The following NKAIN3 variants were observed in gnomAD, a reference collection of about 807,000 sequenced individuals.
NKAIN3 encodes the protein sodium/potassium transporting ATPase interacting 3, also known as sodium/potassium-transporting ATPase subunit beta-1-interacting protein 3.
In NKAIN3, 25 loss-of-function variants were observed where a neutral mutation model predicts 30.2. That is an observed-to-expected ratio of 0.83 (90% CI 0.60 to 1.16). The LOEUF is 1.16. Ranked by LOEUF, NKAIN3 falls within the 50% of genes most tolerant of loss-of-function variation. The probability of loss-of-function intolerance (pLI) is 0.00; values close to 1 mark genes in which losing one functional copy is unlikely to be tolerated. For missense variants in NKAIN3, 225 were observed against 254.1 expected (o/e 0.89, Z 0.78); for synonymous variants, 91 against 89.6 (o/e 1.02, Z -0.09).
Position 62,975,471 on chromosome 8 carries a change from C to G in NKAIN3, c.*10064C>G, listed in dbSNP as rs533693143. 6.6e-6 allele frequency among the ~76,000 whole-genome samples: 1 copy of G among 152,158 alleles called. No homozygotes were observed. The highest frequency in any genetic ancestry group is 1.5e-5 in the Non-Finnish European group (1 of 68,028). On this transcript the variant is annotated 3_prime_UTR_variant, in exon 7 of 7. Coordinates refer to ENST00000623646, the MANE Select transcript of NKAIN3 (RefSeq NM_001304533.3). ...TGGATAGAGTTGTTTGTAATATTCT[C>G]TGACGGTAGTTTGCATTTCTGTGGG...
intron 5 of NKAIN3, among the ~76,000 whole-genome samples, chr8:62,950,944 CTTTT>C (rs71559384): frequency 5.0e-5 from 5 of 100,686 alleles, no homozygotes; most frequent in African/African-American, 1.5e-4. Flanking sequence ...AAACAGAATC[CTTTT>C]TTTTTTTTTT....
intron 5 of NKAIN3, among the ~76,000 whole-genome samples, chr8:62,929,991 G>A (rs570892046): frequency 6.6e-6 from 1 of 152,254 alleles, no homozygotes; most frequent in East Asian, 1.9e-4. Context: ...TAAGTATTCT[G>A]CTTATAAATC....
intron 1 of NKAIN3, among the ~76,000 whole-genome samples, chr8:62,404,187 T>G (rs903261089): frequency 6.6e-6 from 1 of 152,222 alleles, no homozygotes; most frequent in Non-Finnish European, 1.5e-5. Context: ...CTAACTTGCT[T>G]TTGATTTTCC....
In NKAIN3 at chr8:62,431,435, A is replaced by G. The variant is rs879318414; in HGVS notation, c.55-148104A>G. Among the ~76,000 whole-genome samples the G allele has an allele frequency of 9.2e-5, 14 of 151,614 alleles. 1 individual carries two copies. The highest frequency in any genetic ancestry group is 2.0e-4 in the Admixed American group (3 of 15,180). On this transcript the variant is annotated intron_variant, in intron 1 of 6. Coordinates refer to ENST00000623646, the MANE Select transcript of NKAIN3 (RefSeq NM_001304533.3). Reference sequence around the variant, plus strand: ...TTTTTTCTGTTAGCCATTTTTTCTTATTTGCCCAAAGTTCTGGCTGAACCC... The same window carrying G: ...TTTTTTCTGTTAGCCATTTTTTCTTGTTTGCCCAAAGTTCTGGCTGAACCC...
At chr8:62,924,440 TATTTTCAATGA>T (rs72265449) in intron 5 of NKAIN3, among the ~76,000 whole-genome samples, 80,669 of 151,696 alleles carry the variant, frequency 0.53, 21,779 homozygotes, top group East Asian at 0.71. Context: ...AACCCTACAC[TATTTTCAATGA>T]ATAAATATTA....
chr8:62,510,682 G>A (rs1807790040), intron 1 of NKAIN3, among the ~76,000 whole-genome samples: 1 of 152,132 alleles, frequency 6.6e-6, no homozygotes, highest in South Asian at 2.1e-4. Flanking sequence ...AGATTGAGGA[G>A]GAGGTGGAAG....
At chr8:62,797,123 G>A (rs1321346419) in intron 4 of NKAIN3, among the ~76,000 whole-genome samples, 1 of 152,096 alleles carries the variant, frequency 6.6e-6, no homozygotes, top group Admixed American at 6.5e-5. Flanking sequence ...CTTTGTTTCC[G>A]AGAAGGATCT....
At chr8:62,584,875 A>G (rs1034513164) in intron 2 of NKAIN3, among the ~76,000 whole-genome samples, 12 of 152,100 alleles carry the variant, frequency 7.9e-5, no homozygotes, top group African/African-American at 2.7e-4. Context: ...TGCCCCATTC[A>G]ACAATGTGTA....
intron 4 of NKAIN3, among the ~76,000 whole-genome samples, chr8:62,912,473 C>A (rs951514023): frequency 3.3e-5 from 5 of 152,120 alleles, no homozygotes; most frequent in African/African-American, 4.8e-5. Context: ...TTTTAAAGAA[C>A]CTTTTGACTC....
rs146845096 is a variant in NKAIN3, at chr8:62,418,706, C to G, written c.55-160833C>G. 1.1e-3 allele frequency among the ~76,000 whole-genome samples: 169 copies of G among 152,236 alleles called. 1 individual carries two copies. Among genetic ancestry groups the G allele is most frequent in the Non-Finnish European group, 2.4e-3 (160 of 68,012 alleles). On this transcript the variant is annotated intron_variant, in intron 1 of 6. Transcript: ENST00000623646. ...GTTACTACATTCTCAATTTTGCTTT[C>G]AAAACTAGAGGTAGAAGCATCAAGT... is the stretch of plus-strand genomic sequence containing the variant.
At position 62,970,778 on chromosome 8, in the gene NKAIN3, C is replaced by T. The variant is rs1823815929; in HGVS notation, c.*5371C>T. Among the ~76,000 whole-genome samples, 1 of 152,146 alleles carries T rather than the reference C, an allele frequency of 6.6e-6. No homozygotes were observed. Among genetic ancestry groups the T allele is most frequent in the African/African-American group, 2.4e-5 (1 of 41,430 alleles). On this transcript the variant is annotated 3_prime_UTR_variant, in exon 7 of 7. Transcript: ENST00000623646. Reference sequence around the variant, plus strand: ...ATTTTGTTCTTGTTTCTTTGATTGACTAAAAACATTGAATCATTTTCCATG... The same window carrying T: ...ATTTTGTTCTTGTTTCTTTGATTGATTAAAAACATTGAATCATTTTCCATG...
At chr8:62,377,559 T>C (rs1817127429) in intron 1 of NKAIN3, among the ~76,000 whole-genome samples, 1 of 152,090 alleles carries the variant, frequency 6.6e-6, no homozygotes, top group South Asian at 2.1e-4. Context: ...ATGGTTTGGA[T>C]TTCTGTCCCC....
intron 1 of NKAIN3, among the ~76,000 whole-genome samples, chr8:62,252,857 T>C (rs577239394): frequency 6.6e-6 from 1 of 152,360 alleles, no homozygotes; most frequent in African/African-American, 2.4e-5. Context: ...CATGTGCTTT[T>C]AGCACATTCT....
intron 1 of NKAIN3, among the ~76,000 whole-genome samples, chr8:62,322,279 G>A (rs774661399): frequency 1.3e-5 from 2 of 152,258 alleles, no homozygotes; most frequent in Admixed American, 6.5e-5. Context: ...TGTTTCCTGG[G>A]TGAGGCAATG....
At chr8:62,807,313 T>G (rs1818327111) in intron 4 of NKAIN3, among the ~76,000 whole-genome samples, 1 of 152,146 alleles carries the variant, frequency 6.6e-6, no homozygotes. Flanking sequence ...CCATTACCCC[T>G]CAAGTTGGGG....
At chr8:62,575,026 G>C (rs565492306) in intron 1 of NKAIN3, among the ~76,000 whole-genome samples, 2 of 152,088 alleles carry the variant, frequency 1.3e-5, no homozygotes, top group East Asian at 3.9e-4. Context: ...ACTGAATAGG[G>C]AGAAACTGAA....
chr8:62,664,731 G>A (rs1813046937), intron 3 of NKAIN3, among the ~76,000 whole-genome samples: 1 of 152,066 alleles, frequency 6.6e-6, no homozygotes, highest in South Asian at 2.1e-4. Flanking sequence ...TTCCACTCAT[G>A]TTCTTCTCCC....
At chr8:62,249,214 G>A in intron 1 of NKAIN3, 87 bp downstream of exon 1, 9 of 1,166,508 alleles carry the variant, frequency 7.7e-6, no homozygotes, top group Middle Eastern at 4.7e-4. Flanking sequence ...CGCAGCTCCC[G>A]GCAAGGGGCG....
intron 1 of NKAIN3, among the ~76,000 whole-genome samples, chr8:62,538,437 A>G (rs1174569790): frequency 6.6e-6 from 1 of 152,162 alleles, no homozygotes; most frequent in African/African-American, 2.4e-5. Flanking sequence ...GGCCTCCCAA[A>G]GTGCTGGGAT....
Sources: allele counts gnomAD v4.1 joint callset (sites outside exome capture counted in the v4.1 genomes callset), GRCh38; gene constraint gnomAD v4.1.1; transcripts MANE v1.5; gene names NCBI Gene and HGNC (gene_info 2026-07-23, HGNC 2026-07-21).